The following ANKRD29 variants were observed in gnomAD, a reference collection of about 807,000 sequenced individuals.
ANKRD29 encodes ankyrin repeat domain-containing protein 29.
ANKRD29 carries 32 observed loss-of-function variants against 38.0 expected under a neutral mutation model. The observed-to-expected ratio is 0.84, with a 90% CI of 0.64 to 1.13. ANKRD29 has a LOEUF of 1.13. ANKRD29 is among the 50% of genes most tolerant of loss of function. The pLI is 0.00. For missense variants in ANKRD29, 357 were observed against 377.9 expected, an observed-to-expected ratio of 0.94 and a Z score of 0.46; for synonymous variants, 135 against 152.4, an observed-to-expected ratio of 0.89 and a Z score of 0.84.
chr18:23,629,826 C>A, intron 6 of ANKRD29, 27 bp downstream of exon 6: 2 of 1,602,788 alleles, frequency 1.2e-6, no homozygotes, highest in South Asian at 1.1e-5. Context: ...GCCATGTGCT[C>A]GGGCAAATGT....
Position 23,601,173 on chromosome 18 carries a change from T to C in ANKRD29, c.*53A>G. The C allele has an allele frequency of 1.3e-6, 2 of 1,522,232 alleles. No individual in the cohort carries two copies. Among genetic ancestry groups the C allele is most frequent in the East Asian group, 2.3e-5 (1 of 44,390 alleles). The allele number at this position is 1,522,232 out of a possible 1,614,324, so 94.3% of individuals were successfully genotyped here. A position where few individuals can be genotyped will look rare whatever the true frequency, so the allele number is the denominator to read the frequency against. On this transcript the variant is annotated 3_prime_UTR_variant, in exon 10 of 10. Coordinates refer to ENST00000592179, the MANE Select transcript of ANKRD29 (RefSeq NM_173505.4). ...CCAACACTGCTTGAAATGCAATTTC[T>C]TTTTGGACAATGTGGTTAAGCTTTC... is the stretch of plus-strand genomic sequence containing the variant.
At chr18:23,661,453 C>T (rs1211611866) in intron 1 of ANKRD29, among the ~76,000 whole-genome samples, 1 of 152,240 alleles carries the variant, frequency 6.6e-6, no homozygotes, top group Non-Finnish European at 1.5e-5. Context: ...CGCCTTTAAC[C>T]CCAGCACTTT....
chr18:23,628,439 T>C lies in ANKRD29; in HGVS notation c.528+1414A>G, dbSNP rs1218886543. 2.0e-5 allele frequency among the ~76,000 whole-genome samples: 3 copies of C among 152,228 alleles called. No homozygotes were observed. The East Asian group carries it at 5.8e-4, about 29-fold the overall frequency. On this transcript the variant is annotated intron_variant, in intron 6 of 9. Coordinates refer to ENST00000592179, the MANE Select transcript of ANKRD29 (RefSeq NM_173505.4). ...AGAGAGGCATTCCTGTATCAGGTCA[T>C]AGTACAGTGGAGATGTGCCTGGGTA...
intron 8 of ANKRD29, among the ~76,000 whole-genome samples, chr18:23,613,836 G>C (rs1377195522): frequency 6.6e-6 from 1 of 152,028 alleles, no homozygotes; most frequent in African/African-American, 2.4e-5. Context: ...CTGACCTCGT[G>C]ATCCTCCTGC....
chr18:23,643,714 A>T lies in ANKRD29; in HGVS notation c.231+2475T>A, dbSNP rs1170198055. On this transcript the variant is annotated intron_variant, in intron 3 of 9. Transcript: ENST00000592179. ...GCAGCTCCTATGCCTGAGAGGTGTC[A>T]TCAGCCAATTGTGGGTTCTTTACAG... Among the ~76,000 whole-genome samples the T allele has an allele frequency of 2.0e-5, 3 of 152,366 alleles. No individual in the cohort carries two copies. In the East Asian group the frequency reaches 5.8e-4, roughly 29 times the overall value.
chr18:23,614,455 A>T (rs1309852053), intron 8 of ANKRD29, among the ~76,000 whole-genome samples: 2 of 152,038 alleles, frequency 1.3e-5, no homozygotes, highest in Non-Finnish European at 2.9e-5. Context: ...TTGTTCATAG[A>T]ATTCATTTTC....
chr18:23,622,564 T>TATC (rs1161954478), intron 6 of ANKRD29, among the ~76,000 whole-genome samples: 1 of 152,160 alleles, frequency 6.6e-6, no homozygotes, highest in Admixed American at 6.5e-5. Context: ...ATTATCTATC[T>TATC]ATCTACCTAC....
chr18:23,620,000 A>G (rs2059776611), intron 6 of ANKRD29, among the ~76,000 whole-genome samples: 1 of 152,142 alleles, frequency 6.6e-6, no homozygotes, highest in South Asian at 2.1e-4. Context: ...ACCTGTATAC[A>G]TACACCACAG....
At chr18:23,609,710 T>C (rs1258528448) in intron 9 of ANKRD29, among the ~76,000 whole-genome samples, 1 of 152,228 alleles carries the variant, frequency 6.6e-6, no homozygotes, top group African/African-American at 2.4e-5. Flanking sequence ...TATGTAAAGG[T>C]ATTAATGTTT....
chr18:23,634,222 T>C (rs1021433640), intron 4 of ANKRD29, 73 bp from the exon 5 acceptor site: 2 of 1,101,046 alleles, frequency 1.8e-6, no homozygotes, highest in Admixed American at 2.0e-5. Context: ...GTTCCTCACA[T>C]ACATAGAATT....
intron 6 of ANKRD29, among the ~76,000 whole-genome samples, chr18:23,620,325 G>A (rs1452807502): frequency 6.6e-6 from 1 of 152,216 alleles, no homozygotes; most frequent in East Asian, 1.9e-4. Flanking sequence ...CAGCATTTTG[G>A]GGAATATTTC....
chr18:23,620,707 C>T (rs1297848225), intron 6 of ANKRD29, among the ~76,000 whole-genome samples: 1 of 152,170 alleles, frequency 6.6e-6, no homozygotes, highest in Admixed American at 6.5e-5. Flanking sequence ...AGGAAAGTTA[C>T]AAGCCCTTTA....
intron 1 of ANKRD29, among the ~76,000 whole-genome samples, chr18:23,654,055 C>T (rs1451121356): frequency 6.6e-6 from 1 of 151,578 alleles, no homozygotes; most frequent in Non-Finnish European, 1.5e-5. Context: ...ATCATGAGGT[C>T]GAGAGATCAA....
intron 5 of ANKRD29, among the ~76,000 whole-genome samples, chr18:23,632,469 G>A (rs1326227735): frequency 4.0e-5 from 6 of 149,242 alleles, no homozygotes; most frequent in African/African-American, 1.3e-4. Flanking sequence ...AATTACTATG[G>A]GAAGGGGCTT....
Position 23,649,203 on chromosome 18 carries a change from C to CA in ANKRD29, c.22-11dup. 6.2e-7 allele frequency: 1 copy of CA among 1,601,648 alleles called. No homozygotes were observed. The highest frequency in any genetic ancestry group is 8.5e-7 in the Non-Finnish European group (1 of 1,171,124). On this transcript the variant is annotated splice_polypyrimidine_tract_variant and intron_variant, in intron 1 of 9. Transcript: ENST00000592179. Reference sequence around the variant, plus strand: ...CAAGTGGAGTTTCCTTCTGCAAGAACAAAATGAAACAGGATCTTAAAATTG... The same window carrying CA: ...CAAGTGGAGTTTCCTTCTGCAAGAACAAAAATGAAACAGGATCTTAAAATTG...
intron 7 of ANKRD29, among the ~76,000 whole-genome samples, chr18:23,619,067 A>C (rs190916694): frequency 1.3e-5 from 2 of 152,368 alleles, no homozygotes; most frequent in African/African-American, 2.4e-5. Context: ...CCTGCTGTGC[A>C]GCACACAAAG....
chr18:23,644,510 G>A (rs569402543), intron 3 of ANKRD29, among the ~76,000 whole-genome samples: 1 of 152,332 alleles, frequency 6.6e-6, no homozygotes, highest in Admixed American at 6.5e-5. Context: ...ACGATCTAGT[G>A]TTATGGAAAT....
chr18:23,618,982 G>A (rs1163380350), intron 7 of ANKRD29, among the ~76,000 whole-genome samples: 1 of 152,196 alleles, frequency 6.6e-6, no homozygotes, highest in Non-Finnish European at 1.5e-5. Flanking sequence ...GTTATACAAA[G>A]GCCACAGTAA....
chr18:23,661,515 C>G (rs534318225), intron 1 of ANKRD29, among the ~76,000 whole-genome samples: 1 of 152,112 alleles, frequency 6.6e-6, no homozygotes, highest in Non-Finnish European at 1.5e-5. Flanking sequence ...AGACCAGCCT[C>G]GCCAACATGG....
Sources: gnomAD v4.1 joint callset for allele counts (sites outside exome capture counted in the v4.1 genomes callset) on GRCh38, gnomAD v4.1.1 for gene constraint, MANE v1.5 for transcripts, NCBI Gene and HGNC (gene_info 2026-07-23, HGNC 2026-07-21) for gene names.